Variants in FOXM1 observed in about 807,000 individuals in gnomAD.
FOXM1 encodes forkhead box protein M1.
Under a neutral mutation model 63.6 loss-of-function variants are expected in FOXM1, and 25 were observed. The ratio of observed to expected loss-of-function variants is 0.39; its 90% CI spans 0.29 to 0.55. FOXM1 has a LOEUF of 0.55. Ranked by LOEUF, FOXM1 falls within the 20% of genes least tolerant of loss-of-function variation. The probability of loss-of-function intolerance (pLI) is 0.60; values close to 1 mark genes in which losing one functional copy is unlikely to be tolerated. For missense variants in FOXM1, 879 were observed against 958.7 expected, an observed-to-expected ratio of 0.92 and a Z score of 1.10; for synonymous variants, 387 against 376.9, an observed-to-expected ratio of 1.03 and a Z score of -0.31.
At chr12:2,873,047 G>A (rs982260135) in intron 2 of FOXM1, among the ~76,000 whole-genome samples, 19 of 152,148 alleles carry the variant, frequency 1.2e-4, no homozygotes, top group African/African-American at 4.1e-4. Context: ...GTGCGAGACC[G>A]CATCTCTAAA....
intron 3 of FOXM1, among the ~76,000 whole-genome samples, chr12:2,871,792 G>C (rs1453529936): frequency 6.6e-6 from 1 of 152,026 alleles, no homozygotes; most frequent in East Asian, 1.9e-4. Flanking sequence ...TAAAGTTCAG[G>C]TGGATTCCCA....
chr12:2,869,366 G>A (rs915817020), intron 3 of FOXM1, among the ~76,000 whole-genome samples: 1 of 151,910 alleles, frequency 6.6e-6, no homozygotes, highest in Admixed American at 6.6e-5. Context: ...ACCTTCCCAG[G>A]CTCAGGTGAT....
chr12:2,873,173 G>A (rs1297488876), intron 2 of FOXM1, among the ~76,000 whole-genome samples: 1 of 148,838 alleles, frequency 6.7e-6, no homozygotes, highest in African/African-American at 2.6e-5. Context: ...CGAGGTGGGC[G>A]AATCACCTGA....
rs753204277 is a variant in FOXM1, at chr12:2,872,773, G to A, written c.503-526C>T. Among the ~76,000 whole-genome samples the A allele has an allele frequency of 6.6e-6, 1 of 152,094 alleles. No homozygotes were observed. The highest frequency in any genetic ancestry group is 1.5e-5 in the Non-Finnish European group (1 of 68,020). ...CATAGTTCAAATTGCATTTCAAGCT[G>A]AGCCACACTGAGCCTTAGAGATCAA... On this transcript the variant is annotated intron_variant, in intron 2 of 8. Coordinates refer to ENST00000359843, the MANE Select transcript of FOXM1 (RefSeq NM_021953.4). The surrounding 1 kb of genome is among the most constrained non-coding windows in gnomAD (Gnocchi z 4.0).
In FOXM1 at chr12:2,859,606, C is replaced by T. The variant is rs535412629; in HGVS notation, c.1324G>A (p.Glu442Lys). The change falls in exon 9 of 9, where the codon GAG becomes AAG. Residue 442 changes from glutamate (E) to lysine (K), a missense_variant. Physicochemically the swap from Glu to Lys is moderately conservative, Grantham distance 56. This residue lies in a region of FOXM1 where 486 missense variants were observed against 453.5 expected (regional missense o/e 1.07). Transcript: ENST00000359843. ...AACCCTTCTCCAAACAGGAGTTTCTCCTCTTTCCCTGGTCCTGCAGAAGAA... is the reference window on the plus strand; with the variant it reads ...AACCCTTCTCCAAACAGGAGTTTCTTCTCTTTCCCTGGTCCTGCAGAAGAA... ...PLSSAGPGKE[E>K]KLLFGEGFSP... 15 of 1,613,174 alleles carry T rather than the reference C, an allele frequency of 9.3e-6. No individual in the cohort carries two copies. The African/African-American group carries it at 1.9e-4, about 20-fold the overall frequency.
intron 5 of FOXM1, among the ~76,000 whole-genome samples, chr12:2,865,771 G>T (rs2098122161): frequency 6.7e-6 from 1 of 148,740 alleles, no homozygotes; most frequent in Admixed American, 6.9e-5. Flanking sequence ...TCCTGCCTCA[G>T]CCTCCCAAGT....
Position 2,859,054 on chromosome 12 carries a change from G to A in FOXM1, c.1876C>T (p.Leu626Phe). The A allele has an allele frequency of 6.2e-7, 1 of 1,608,736 alleles. No homozygotes were observed. Among genetic ancestry groups the A allele is most frequent in the Non-Finnish European group, 8.5e-7 (1 of 1,177,498 alleles). Residue 626 changes from leucine (L) to phenylalanine (F), a missense_variant, in exon 9 of 9, where the codon CTC (leucine) becomes TTC (phenylalanine). Transcript: ENST00000359843. Reference sequence around the variant, plus strand: ...CCCCCTACTTTGGCTGGGGGCGTGAGCCTCCAGGATTCAGGGGTTCTGGGG... The same window carrying A: ...CCCCCTACTTTGGCTGGGGGCGTGAACCTCCAGGATTCAGGGGTTCTGGGG... ...VLPRTPESWRLTPPAKVGGLD... is the reference protein window; with the variant it reads ...VLPRTPESWRFTPPAKVGGLD...
intron 1 of FOXM1, among the ~76,000 whole-genome samples, 160 bp downstream of exon 1, chr12:2,876,760 G>A (rs1009015187): frequency 1.3e-5 from 2 of 152,200 alleles, no homozygotes; most frequent in African/African-American, 4.8e-5. Flanking sequence ...GGTGGACGCA[G>A]AAAAAACTTG....
rs754712516 is a variant in FOXM1, at chr12:2,873,999, G to A, written c.480C>T (p.Cys160=). Residue 160 remains cysteine (C), a synonymous_variant, in exon 2 of 9, where the codon TGC becomes TGT. Transcript: ENST00000359843. The part of the protein sequence containing the change: ...VNLPRPPGAL[C]EQKRETCADG... ...TACCACAGGTCTCCCGTTTCTGCTC[G>A]CAAAGGGCTCCAGGTGGTCTAGGAA... 55 of 1,612,626 alleles carry A rather than the reference G, an allele frequency of 3.4e-5. No individual in the cohort carries two copies. Among genetic ancestry groups the A allele is most frequent in the Non-Finnish European group, 4.3e-5 (51 of 1,178,992 alleles).
chr12:2,859,250 C>A lies in FOXM1; in HGVS notation c.1680G>T (p.Leu560=), dbSNP rs767649634. The change falls in exon 9 of 9, where the codon CTG becomes CTT. Residue 560 remains leucine (L), a synonymous_variant. Transcript: ENST00000359843. Reference sequence around the variant, plus strand: ...AAGTACTGGGCCCCTCTGAGAAGAGCAGCTCCGGCTCATCCACACAGGGAG... The same window carrying A: ...AAGTACTGGGCCCCTCTGAGAAGAGAAGCTCCGGCTCATCCACACAGGGAG... ...LLPPCVDEPE[L]LFSEGPSTSR... The A allele has an allele frequency of 6.2e-7, 1 of 1,613,732 alleles. No individual in the cohort carries two copies. The highest frequency in any genetic ancestry group is 8.5e-7 in the Non-Finnish European group (1 of 1,179,996).
At chr12:2,861,362 G>A (rs750051225) in intron 8 of FOXM1, 10 of 728,594 alleles carry the variant, frequency 1.4e-5, no homozygotes, top group East Asian at 5.2e-5. Flanking sequence ...CTCGCAGATC[G>A]CCACTAAAGA....
chr12:2,869,974 C>A (rs2098130138), intron 3 of FOXM1, among the ~76,000 whole-genome samples: 1 of 151,618 alleles, frequency 6.6e-6, no homozygotes, highest in African/African-American at 2.4e-5. Flanking sequence ...CTTACATATA[C>A]ACGCATGTAA....
rs1261680701 is a variant in FOXM1 at position 2,868,719 on chromosome 12, C to A, written c.690G>T (p.Gln230His). 6.2e-7 allele frequency: 1 copy of A among 1,613,796 alleles called. No homozygotes were observed. The highest frequency in any genetic ancestry group is 2.2e-5 in the East Asian group (1 of 44,876). ...EEPSRPSASW[Q>H]NSVSERPPYS... is the part of the protein sequence containing the mutation. ...AGGGTGGCCGCTCAGACACAGAGTT[C>A]TGCCAGGACGCTGATGGTCTCGAAG... The change falls in exon 4 of 9, where the codon CAG (glutamine) becomes CAT (histidine). Residue 230 changes from glutamine to histidine, a missense_variant. By Grantham distance (24) the Gln-to-His change is conservative. Coordinates refer to ENST00000359843, the MANE Select transcript of FOXM1 (RefSeq NM_021953.4).
At chr12:2,875,161 T>G (rs1321904351) in intron 1 of FOXM1, among the ~76,000 whole-genome samples, 3 of 151,914 alleles carry the variant, frequency 2.0e-5, no homozygotes, top group Non-Finnish European at 4.4e-5. Context: ...CCCGGCTAGT[T>G]TTTGTATTTT....
At position 2,858,922 on chromosome 12, in the gene FOXM1, G is replaced by A. The variant is rs1478305288; in HGVS notation, c.2008C>T (p.Leu670Phe). The change falls in exon 9 of 9, where the codon CTT (leucine) becomes TTT (phenylalanine). Residue 670 changes from leucine to phenylalanine, a missense_variant. Leu to Phe is a conservative substitution (Grantham distance 22, BLOSUM62 0). Transcript: ENST00000359843. ...CTGAGGAGCCTTTGCGGTGATTCAA[G>A]GGGGGGAGCACTTTGCAAGGGAGTG... is the stretch of plus-strand genomic sequence containing the variant. ...STTPLQSAPP[L>F]ESPQRLLSSE... 1.9e-6 allele frequency: 3 copies of A among 1,613,528 alleles called. No individual in the cohort carries two copies. The highest frequency in any genetic ancestry group is 2.2e-5 in the South Asian group (2 of 91,070).
chr12:2,872,139 A>G lies in FOXM1; in HGVS notation c.611T>C (p.Met204Thr), dbSNP rs142971862. Residue 204 changes from methionine to threonine, a missense_variant, in exon 3 of 9, where the codon ATG becomes ACG. This residue lies in a region of FOXM1 where 255 missense variants were observed against 292.4 expected (regional missense o/e 0.87). Transcript: ENST00000359843. The surrounding 1 kb of genome is among the most constrained non-coding windows in gnomAD (Gnocchi z 4.0). ...CAGGTGACAATTCTCCTTTTCCTCC[A>G]TCTCTTGCTTGATGCTGCGGGAGCC... ...GLGSRSIKQE[M>T]EEKENCHLEQ... 1.5e-4 allele frequency: 247 copies of G among 1,614,006 alleles called. No individual in the cohort carries two copies. The highest frequency in any genetic ancestry group is 2.0e-4 in the Non-Finnish European group (232 of 1,180,032).
chr12:2,866,274 G>T, intron 5 of FOXM1, 119 bp downstream of exon 5: 1 of 1,013,794 alleles, frequency 9.9e-7, no homozygotes, highest in Non-Finnish European at 1.4e-6. Context: ...TAATTGGGTG[G>T]CTGGCTTCTA....
rs761151927 is a variant in FOXM1 at position 2,858,306 on chromosome 12, G to A, written c.*332C>T. ...TTTGGAGAATTTATACTATTTACACGGACCACCCTGCAAAGATCAGGGAAG... is the reference window on the plus strand; with the variant it reads ...TTTGGAGAATTTATACTATTTACACAGACCACCCTGCAAAGATCAGGGAAG... On this transcript the variant is annotated 3_prime_UTR_variant, in exon 9 of 9. Coordinates refer to ENST00000359843, the MANE Select transcript of FOXM1 (RefSeq NM_021953.4). 5.6e-5 allele frequency: 15 copies of A among 270,132 alleles called. No homozygotes were observed. The highest frequency in any genetic ancestry group is 3.2e-4 in the South Asian group (3 of 9,504). The allele number at this position is 270,132 out of a possible 1,614,324, so 16.7% of individuals were successfully genotyped here. A position where few individuals can be genotyped will look rare whatever the true frequency, so the allele number is the denominator to read the frequency against.
chr12:2,865,762 C>A (rs1032190002), intron 5 of FOXM1, among the ~76,000 whole-genome samples: 9 of 151,422 alleles, frequency 5.9e-5, no homozygotes, highest in African/African-American at 2.2e-4. Context: ...AAGGGATTCT[C>A]CTGCCTCAGC....
Sources: gnomAD v4.1 joint callset for allele counts (sites outside exome capture counted in the v4.1 genomes callset) on GRCh38, gnomAD v4.1.1 for gene constraint, gnomAD v4.1.1 regional missense constraint, Gnocchi (gnomAD v3.1) non-coding constraint, MANE v1.5 for transcripts, NCBI Gene and HGNC (gene_info 2026-07-23, HGNC 2026-07-21) for gene names.